Variants in PPARGC1A observed in about 807,000 individuals in gnomAD.
PPARGC1A encodes PPARG coactivator 1 alpha.
In PPARGC1A, 25 loss-of-function variants were observed where a neutral mutation model predicts 88.7. The ratio of observed to expected loss-of-function variants is 0.28; its 90% confidence interval spans 0.21 to 0.39. The LOEUF (loss-of-function observed/expected upper bound fraction) is 0.39, where lower values mean the gene tolerates loss of function less well. Among genes scored for constraint, PPARGC1A ranks in the 10% least tolerant of loss-of-function variants. The pLI, the probability that PPARGC1A is intolerant of heterozygous loss-of-function variation, is 1.00. For missense variants in PPARGC1A, 880 were observed against 968.7 expected (o/e 0.91, Z 1.22); for synonymous variants, 363 against 355.6 (o/e 1.02, Z -0.24).
the PPARGC1A span, among the ~76,000 whole-genome samples, chr4:24,096,021 C>T: frequency 6.6e-6 from 1 of 152,126 alleles, no homozygotes; most frequent in South Asian, 2.1e-4. Flanking sequence ...TGTCCCCACC[C>T]AAATCTCACT....
the PPARGC1A span, among the ~76,000 whole-genome samples, chr4:24,347,532 C>T: frequency 1.2e-3 from 186 of 152,244 alleles, 2 homozygotes; most frequent in Middle Eastern, 6.8e-3. Flanking sequence ...CTTTTAACTG[C>T]TGTTGCTTTA....
the PPARGC1A span, among the ~76,000 whole-genome samples, chr4:24,232,696 T>C: frequency 3.3e-4 from 50 of 152,340 alleles, no homozygotes; most frequent in African/African-American, 1.0e-3. Flanking sequence ...TTCATTCTTA[T>C]GCTAGTGCAG....
the PPARGC1A span, among the ~76,000 whole-genome samples, chr4:24,282,717 G>T: frequency 1.3e-5 from 2 of 152,210 alleles, no homozygotes; most frequent in Non-Finnish European, 2.9e-5. Context: ...ACAGTCCTGT[G>T]AGTCAGTGAG....
At chr4:24,236,739 C>T in the PPARGC1A span, among the ~76,000 whole-genome samples, 1 of 152,160 alleles carries the variant, frequency 6.6e-6, no homozygotes, top group Admixed American at 6.5e-5. Context: ...CAAATGACAC[C>T]TAGTGTTTTT....
At chr4:24,023,852 G>A in the PPARGC1A span, among the ~76,000 whole-genome samples, 1 of 152,186 alleles carries the variant, frequency 6.6e-6, no homozygotes, top group South Asian at 2.1e-4. Context: ...AGAAAAACAT[G>A]AGGGCTGATC....
the PPARGC1A span, among the ~76,000 whole-genome samples, chr4:24,409,629 C>A: frequency 6.6e-6 from 1 of 152,238 alleles, no homozygotes; most frequent in South Asian, 2.1e-4. Context: ...AATTTCTGTT[C>A]TTTTCTCAAT....
chr4:24,311,061 T>C, the PPARGC1A span, among the ~76,000 whole-genome samples: 3 of 145,770 alleles, frequency 2.1e-5, no homozygotes, highest in Non-Finnish European at 4.5e-5. Context: ...ATATACGACA[T>C]AGAATAGTAA....
At chr4:23,863,834 C>T (rs565843115) in intron 2 of PPARGC1A, among the ~76,000 whole-genome samples, 121 of 152,314 alleles carry the variant, frequency 7.9e-4, no homozygotes, top group Admixed American at 7.1e-3. Context: ...GCAACCTCTG[C>T]CTCCCAGGTT....
the PPARGC1A span, among the ~76,000 whole-genome samples, chr4:24,470,300 A>ACC: frequency 2.7e-5 from 4 of 146,002 alleles, no homozygotes; most frequent in Middle Eastern, 3.6e-3. The surrounding 1 kb of genome is among the most constrained non-coding windows in gnomAD (Gnocchi z 5.8). Context: ...ACACACACAC[A>ACC]CACACACACA....
chr4:24,030,194 G>A, the PPARGC1A span, among the ~76,000 whole-genome samples: 6 of 152,354 alleles, frequency 3.9e-5, no homozygotes, highest in South Asian at 1.2e-3. Context: ...TTGGTTGCAA[G>A]TGTCTTTGCA....
intron 2 of PPARGC1A, 34 bp from the exon 3 acceptor site, chr4:23,831,785 T>C (rs878967231): frequency 6.4e-7 from 1 of 1,556,058 alleles, no homozygotes; most frequent in Non-Finnish European, 8.8e-7. Context: ...AGATGTGAGT[T>C]GACCCTGGGA....
At chr4:24,028,512 G>C in the PPARGC1A span, among the ~76,000 whole-genome samples, 1 of 152,158 alleles carries the variant, frequency 6.6e-6, no homozygotes, top group Non-Finnish European at 1.5e-5. Flanking sequence ...AAATGACAGA[G>C]AAAAGACTTG....
At chr4:24,318,850 A>G in the PPARGC1A span, among the ~76,000 whole-genome samples, 55 of 152,312 alleles carry the variant, frequency 3.6e-4, no homozygotes, top group African/African-American at 1.3e-3. Flanking sequence ...ACAAAATACA[A>G]CTGGCTGTGC....
chr4:24,089,506 TTTTCTTTC>T, the PPARGC1A span, among the ~76,000 whole-genome samples: 2,100 of 66,804 alleles, frequency 0.031, 79 homozygotes, highest in Middle Eastern at 0.092. Context: ...TTTTCTTTTC[TTTTCTTTC>T]TTTTTTTTTT....
the PPARGC1A span, among the ~76,000 whole-genome samples, chr4:24,190,213 T>TA: frequency 2.6e-5 from 4 of 151,792 alleles, no homozygotes; most frequent in African/African-American, 4.9e-5. Context: ...GTAAGTAATC[T>TA]AAAAAAATAA....
chr4:24,306,782 G>A, the PPARGC1A span, among the ~76,000 whole-genome samples: 1 of 152,162 alleles, frequency 6.6e-6, no homozygotes, highest in Non-Finnish European at 1.5e-5. Context: ...CCCTGATCTA[G>A]ACCCTCTACA....
At chr4:23,886,875 CAT>C (rs968975287) in intron 1 of PPARGC1A, among the ~76,000 whole-genome samples, 1 of 122,078 alleles carries the variant, frequency 8.2e-6, no homozygotes, top group African/African-American at 3.0e-5. Context: ...AAAAAAAAAA[CAT>C]GAACAACAAA....
chr4:23,930,796 C>G, the PPARGC1A span, among the ~76,000 whole-genome samples: 1 of 152,140 alleles, frequency 6.6e-6, no homozygotes, highest in Admixed American at 6.5e-5. Context: ...TCAGTGATGC[C>G]TTAAATAATT....
chr4:24,065,890 G>A, the PPARGC1A span, among the ~76,000 whole-genome samples: 1 of 152,114 alleles, frequency 6.6e-6, no homozygotes, highest in Non-Finnish European at 1.5e-5. Flanking sequence ...TAAAGGCAAT[G>A]GAAGGAAATT....
Sources: allele counts gnomAD v4.1 joint callset (sites outside exome capture counted in the v4.1 genomes callset), GRCh38; gene constraint gnomAD v4.1.1; non-coding constraint Gnocchi (gnomAD v3.1); transcripts MANE v1.5; gene names NCBI Gene and HGNC (gene_info 2026-07-23, HGNC 2026-07-21).